Variants in MBD5 observed in about 807,000 individuals in gnomAD.
MBD5 encodes methyl-CpG-binding domain protein 5.
A neutral mutation model predicts 117.3 loss-of-function variants in MBD5; 13 were observed. The ratio of observed to expected loss-of-function variants is 0.11; its 90% confidence interval spans 0.07 to 0.18. The LOEUF is 0.18. Among genes scored for constraint, MBD5 ranks in the 10% least tolerant of loss-of-function variants. The probability of loss-of-function intolerance (pLI) is 1.00; values close to 1 mark genes in which losing one functional copy is unlikely to be tolerated. For missense variants in MBD5, 1,879 were observed against 2,093.8 expected, an observed-to-expected ratio of 0.90 and a Z score of 2.00; for synonymous variants, 727 against 766.4, an observed-to-expected ratio of 0.95 and a Z score of 0.85.
chr2:148,330,115 A>ACACT (rs1553501696), intron 3 of MBD5, among the ~76,000 whole-genome samples: 3 of 127,422 alleles, frequency 2.4e-5, no homozygotes, highest in Non-Finnish European at 3.3e-5. Context: ...ACACACACAC[A>ACACT]CACTCTACCT....
rs146793699 is a variant in MBD5 at position 148,243,015 on chromosome 2, A to G, written c.-680+9620A>G. On this transcript the variant is annotated intron_variant, in intron 3 of 13. Transcript: ENST00000642680. ...ATTAACTCTCTCTGTAAGCATTATT[A>G]CAGTTGCCATTCACATTTATGCCTT... 1.3e-4 allele frequency among the ~76,000 whole-genome samples: 20 copies of G among 152,302 alleles called. No individual in the cohort carries two copies. The East Asian group carries it at 3.1e-3, about 24-fold the overall frequency.
At position 148,473,293 on chromosome 2, in the gene MBD5, A is replaced by C. The variant is rs1183590794; in HGVS notation, c.2518+2832A>C. Among the ~76,000 whole-genome samples, 11 of 152,222 alleles carry C rather than the reference A, an allele frequency of 7.2e-5. 1 individual carries two copies. The South Asian group carries it at 1.7e-3, about 23-fold the overall frequency. ...AATCACATTTGGTGACCTTTCTTTT[A>C]ATTAATTATCACCTCACTCAAATTA... On this transcript the variant is annotated intron_variant, in intron 8 of 13. Coordinates refer to ENST00000642680, the MANE Select transcript of MBD5 (RefSeq NM_001378120.1).
intron 1 of MBD5, among the ~76,000 whole-genome samples, chr2:148,154,311 T>C (rs878890243): frequency 2.0e-5 from 3 of 152,038 alleles, no homozygotes. Flanking sequence ...AGCTGTGTGC[T>C]GGGAGAACCA....
chr2:148,220,682 A>G (rs1699664052), intron 2 of MBD5, among the ~76,000 whole-genome samples: 1 of 152,180 alleles, frequency 6.6e-6, no homozygotes, highest in Non-Finnish European at 1.5e-5. Flanking sequence ...CAGGCATGCA[A>G]CATGTAACAA....
intron 1 of MBD5, among the ~76,000 whole-genome samples, chr2:148,150,117 A>G (rs1697604977): frequency 8.3e-6 from 1 of 120,782 alleles, no homozygotes; most frequent in African/African-American, 3.0e-5. Flanking sequence ...TGATTTTTGT[A>G]TAAGGTGTAA....
At position 148,414,206 on chromosome 2, in the gene MBD5, G is replaced by A. The variant is rs75421690; in HGVS notation, c.-556-43997G>A. On this transcript the variant is annotated intron_variant, in intron 4 of 13. Coordinates refer to ENST00000642680, the MANE Select transcript of MBD5 (RefSeq NM_001378120.1). Reference sequence around the variant, plus strand: ...AATTTCAAAGAGTTTCTGGATTTTGGCCTTAATTTCATTATTTACCCAAAA... The same window carrying A: ...AATTTCAAAGAGTTTCTGGATTTTGACCTTAATTTCATTATTTACCCAAAA... Among the ~76,000 whole-genome samples the A allele has an allele frequency of 6.5e-3, 987 of 152,096 alleles. 5 individuals are homozygous for A. Among genetic ancestry groups the A allele is most frequent in the Non-Finnish European group, 9.0e-3 (611 of 67,970 alleles).
chr2:148,230,370 T>A (rs1443534781), intron 2 of MBD5, among the ~76,000 whole-genome samples: 2 of 152,130 alleles, frequency 1.3e-5, no homozygotes. Flanking sequence ...CCACTGATGT[T>A]CCCTTAAGGC....
At chr2:148,447,204 A>G (rs796828885) in intron 4 of MBD5, among the ~76,000 whole-genome samples, 4 of 11,596 alleles carry the variant, frequency 3.4e-4, no homozygotes, top group African/African-American at 3.9e-4. Context: ...AGAAAGAAAG[A>G]AAGAAAGAAA....
At chr2:148,302,712 G>A (rs1701801205) in intron 3 of MBD5, among the ~76,000 whole-genome samples, 1 of 151,788 alleles carries the variant, frequency 6.6e-6, no homozygotes, top group African/African-American at 2.4e-5. Context: ...ATGGCTCACT[G>A]CAGCCTCAAC....
intron 2 of MBD5, among the ~76,000 whole-genome samples, chr2:148,208,370 C>A (rs1699335858): frequency 6.6e-6 from 1 of 152,124 alleles, no homozygotes; most frequent in South Asian, 2.1e-4. Context: ...TCTGGTGTCT[C>A]AGCCTCCCAA....
At chr2:148,455,155 G>A (rs921809883) in intron 4 of MBD5, among the ~76,000 whole-genome samples, 7 of 151,896 alleles carry the variant, frequency 4.6e-5, no homozygotes, top group South Asian at 2.1e-4. Flanking sequence ...TGAGTGTTGC[G>A]AAAAAAATTG....
chr2:148,311,786 C>A (rs1702037991), intron 3 of MBD5, among the ~76,000 whole-genome samples: 1 of 152,168 alleles, frequency 6.6e-6, no homozygotes, highest in South Asian at 2.1e-4. Flanking sequence ...GTGGCTGATA[C>A]CGGTTTTTCC....
At chr2:148,122,891 C>T (rs910465655) in intron 1 of MBD5, among the ~76,000 whole-genome samples, 3 of 152,162 alleles carry the variant, frequency 2.0e-5, no homozygotes, top group Non-Finnish European at 4.4e-5. Context: ...ATTTTACTTT[C>T]ACTGTTGCCT....
At chr2:148,475,653 C>A (rs973488789) in intron 8 of MBD5, among the ~76,000 whole-genome samples, 36 of 152,044 alleles carry the variant, frequency 2.4e-4, no homozygotes, top group African/African-American at 8.4e-4. Flanking sequence ...ACTTATAAAG[C>A]CACTAGAAAT....
At chr2:148,185,418 C>T (rs1698630287) in intron 2 of MBD5, among the ~76,000 whole-genome samples, 1 of 152,094 alleles carries the variant, frequency 6.6e-6, no homozygotes, top group Non-Finnish European at 1.5e-5. Flanking sequence ...CAAACAAAAG[C>T]TATATGTATG....
intron 3 of MBD5, among the ~76,000 whole-genome samples, chr2:148,337,169 C>T (rs1054528401): frequency 1.3e-5 from 2 of 152,202 alleles, no homozygotes; most frequent in African/African-American, 4.8e-5. Context: ...CCTCCAAACT[C>T]TTTCCTGCCT....
At chr2:148,124,435 G>A (rs540771046) in intron 1 of MBD5, among the ~76,000 whole-genome samples, 4 of 152,044 alleles carry the variant, frequency 2.6e-5, no homozygotes, top group African/African-American at 4.8e-5. Flanking sequence ...AAAGTTAGCC[G>A]GGCATGGTAG....
chr2:148,446,846 A>G (rs1706550303), intron 4 of MBD5, among the ~76,000 whole-genome samples: 1 of 152,062 alleles, frequency 6.6e-6, no homozygotes, highest in Non-Finnish European at 1.5e-5. Context: ...GGAGAAAGTA[A>G]ACAGGTTATA....
At chr2:148,148,765 C>T (rs1380775456) in intron 1 of MBD5, among the ~76,000 whole-genome samples, 1 of 152,112 alleles carries the variant, frequency 6.6e-6, no homozygotes, top group Admixed American at 6.5e-5. Flanking sequence ...CCAGCTGAAA[C>T]ATTTTCCTTG....
Sources: gnomAD v4.1 joint callset for allele counts (sites outside exome capture counted in the v4.1 genomes callset) on GRCh38, gnomAD v4.1.1 for gene constraint, MANE v1.5 for transcripts, NCBI Gene and HGNC (gene_info 2026-07-23, HGNC 2026-07-21) for gene names.